FOCAD: variants seen among roughly 807,000 people sequenced by gnomAD.
The protein encoded by FOCAD is KIAA1797.
FOCAD carries 198 observed loss-of-function variants against 225.6 expected under a neutral mutation model. That is an observed-to-expected ratio of 0.88 (90% confidence interval 0.78 to 0.99). The LOEUF is 0.99. FOCAD is among the 50% of genes least tolerant of loss of function. The probability of loss-of-function intolerance (pLI) is 0.00; values close to 1 mark genes in which losing one functional copy is unlikely to be tolerated. For synonymous variants in FOCAD, 897 were observed against 755.0 expected (o/e 1.19, Z -3.08); for missense variants, 2,713 against 2,123.6 (o/e 1.28, Z -5.46).
At chr9:20,658,133 G>C (rs1156359290), upstream of FOCAD, among the ~76,000 whole-genome samples, 1 of 151,202 alleles carries the variant, frequency 6.6e-6, no homozygotes, top group South Asian at 2.1e-4. Context: ...CAGTCTGCCC[G>C]TTCTCAGATC....
At chr9:20,699,288 C>G (rs924941826) in intron 1 of FOCAD, among the ~76,000 whole-genome samples, 6 of 152,000 alleles carry the variant, frequency 3.9e-5, no homozygotes, top group East Asian at 3.9e-4. Context: ...AAATGAAACT[C>G]TTTTGAAGAT....
chr9:20,917,369 A>T (rs1169211288), intron 24 of FOCAD, among the ~76,000 whole-genome samples: 1 of 152,216 alleles, frequency 6.6e-6, no homozygotes, highest in Non-Finnish European at 1.5e-5. Context: ...ATTTTTAAAT[A>T]CTAAAAACTA....
intron 11 of FOCAD, among the ~76,000 whole-genome samples, chr9:20,811,085 C>A (rs1724425021): frequency 6.6e-6 from 1 of 151,950 alleles, no homozygotes; most frequent in Admixed American, 6.6e-5. Context: ...TTCATAGAAT[C>A]AAATAATTGC....
At chr9:20,923,405 C>A (rs1351896834) in intron 24 of FOCAD, among the ~76,000 whole-genome samples, 1 of 152,090 alleles carries the variant, frequency 6.6e-6, no homozygotes, top group Non-Finnish European at 1.5e-5. Context: ...AAACAACTTA[C>A]TAAGCTTGGA....
At chr9:20,879,019 T>A (rs894869397) in intron 19 of FOCAD, among the ~76,000 whole-genome samples, 1 of 152,162 alleles carries the variant, frequency 6.6e-6, no homozygotes, top group African/African-American at 2.4e-5. Flanking sequence ...CCATCAACAT[T>A]GAGGGCAGAT....
intron 2 of FOCAD, among the ~76,000 whole-genome samples, chr9:20,677,727 G>T (rs1054371411): frequency 2.6e-5 from 4 of 152,214 alleles, no homozygotes; most frequent in African/African-American, 9.7e-5. Context: ...CTTACATGCT[G>T]TTGGTGGAAA....
At chr9:20,669,994 A>C (rs1282568112) in intron 2 of FOCAD, among the ~76,000 whole-genome samples, 3 of 152,238 alleles carry the variant, frequency 2.0e-5, no homozygotes. Context: ...AAAAAGTATT[A>C]GAAAATAAAA....
chr9:20,768,552 A>C (rs1817835439), intron 7 of FOCAD, among the ~76,000 whole-genome samples: 1 of 151,866 alleles, frequency 6.6e-6, no homozygotes, highest in Non-Finnish European at 1.5e-5. Context: ...CATCCCTTGT[A>C]AGTTGGATTC....
chr9:20,662,889 A>T (rs188073942), intron 2 of FOCAD, among the ~76,000 whole-genome samples: 1 of 152,340 alleles, frequency 6.6e-6, no homozygotes, highest in Admixed American at 6.5e-5. Flanking sequence ...AAATCAAGAC[A>T]TTTAAACTTA....
At chr9:20,821,417 T>A (rs1262525145) in intron 14 of FOCAD, among the ~76,000 whole-genome samples, 1 of 152,134 alleles carries the variant, frequency 6.6e-6, no homozygotes, top group Non-Finnish European at 1.5e-5. Flanking sequence ...TAAACTATTC[T>A]TTCTTATATT....
chr9:20,903,984 T>A (rs1224358433), intron 21 of FOCAD, among the ~76,000 whole-genome samples: 1 of 151,954 alleles, frequency 6.6e-6, no homozygotes, highest in Non-Finnish European at 1.5e-5. Context: ...TTACCTATTC[T>A]GGATATTTCA....
chr9:20,728,239 G>A (rs1033508400), intron 4 of FOCAD, among the ~76,000 whole-genome samples: 1 of 152,024 alleles, frequency 6.6e-6, no homozygotes, highest in Non-Finnish European at 1.5e-5. Context: ...GGGACCAGAA[G>A]TGTTTCAGAT....
At chr9:20,674,057 G>A (rs1329973976) in intron 2 of FOCAD, among the ~76,000 whole-genome samples, 1 of 152,160 alleles carries the variant, frequency 6.6e-6, no homozygotes, top group East Asian at 1.9e-4. Context: ...ATCTGTAGTG[G>A]TATGTTGCAG....
At position 20,948,929 on chromosome 9, in the gene FOCAD, G is replaced by C; in HGVS notation, c.3876+1G>C. ...AGGCTCTGAAGGGGATGTAATGCAGGTAAAGAAAGGAACCATGGAGGGGAA... is the reference window on the plus strand; with the variant it reads ...AGGCTCTGAAGGGGATGTAATGCAGCTAAAGAAAGGAACCATGGAGGGGAA... On this transcript the variant is annotated splice_donor_variant, in intron 32 of 43. Coordinates refer to ENST00000338382, the MANE Select transcript of FOCAD (RefSeq NM_001375567.1). LOFTEE classifies it high-confidence loss of function. 6.2e-7 allele frequency: 1 copy of C among 1,613,086 alleles called. No individual in the cohort carries two copies. The highest frequency in any genetic ancestry group is 8.5e-7 in the Non-Finnish European group (1 of 1,179,200).
chr9:20,891,022 TCTCTGTGTC>T (rs1831568684), intron 21 of FOCAD, among the ~76,000 whole-genome samples: 1 of 152,264 alleles, frequency 6.6e-6, no homozygotes, highest in African/African-American at 2.4e-5. Flanking sequence ...TTACTTCATG[TCTCTGTGTC>T]ACATTTTGCT....
chr9:20,982,334 T>C, intron 38 of FOCAD, 23 bp from the exon 39 acceptor site: 8 of 1,527,322 alleles, frequency 5.2e-6, no homozygotes, highest in Non-Finnish European at 7.2e-6. Context: ...TTTGTTGACA[T>C]GTTTGGGATT....
chr9:20,982,526 G>A (rs139758102), intron 39 of FOCAD, 80 bp downstream of exon 39: 45 of 1,190,288 alleles, frequency 3.8e-5, no homozygotes, highest in Non-Finnish European at 4.9e-5. Flanking sequence ...GTGTTTGGCT[G>A]AAGCAAGTTT....
intron 11 of FOCAD, among the ~76,000 whole-genome samples, chr9:20,796,254 A>C (rs200713295): frequency 6.6e-6 from 1 of 152,272 alleles, no homozygotes; most frequent in South Asian, 2.1e-4. Flanking sequence ...TTGCTGTTGT[A>C]AATAGTGCCA....
At chr9:20,778,373 T>C (rs1327826326) in intron 8 of FOCAD, among the ~76,000 whole-genome samples, 2 of 151,920 alleles carry the variant, frequency 1.3e-5, no homozygotes, top group Non-Finnish European at 2.9e-5. Context: ...GCTGGGAAAT[T>C]AGCCTGGCTA....
Sources: allele counts gnomAD v4.1 joint callset (sites outside exome capture counted in the v4.1 genomes callset), GRCh38; gene constraint gnomAD v4.1.1; transcripts MANE v1.5; gene names NCBI Gene and HGNC (gene_info 2026-07-23, HGNC 2026-07-21).